The following PRDM5 variants were observed in gnomAD, a reference collection of about 807,000 sequenced individuals.
The protein encoded by PRDM5 is PR/SET domain 5.
PRDM5 carries 56 observed loss-of-function variants against 81.2 expected under a neutral mutation model. That is an observed-to-expected ratio of 0.69 (90% CI 0.56 to 0.86). PRDM5 has a LOEUF of 0.86. Among genes scored for constraint, PRDM5 ranks in the 40% least tolerant of loss-of-function variants. PRDM5 has a pLI of 0.00. For missense variants in PRDM5, 697 were observed against 770.1 expected (o/e 0.91, Z 1.12); for synonymous variants, 267 against 256.4 (o/e 1.04, Z -0.39).
intron 1 of PRDM5, among the ~76,000 whole-genome samples, chr4:120,913,738 A>T (rs1766771773): frequency 6.6e-6 from 1 of 152,202 alleles, no homozygotes; most frequent in Non-Finnish European, 1.5e-5. Flanking sequence ...TCTCTCCAGT[A>T]GACTTAGTAA....
chr4:120,785,180 A>C, intron 10 of PRDM5, 89 bp from the exon 11 acceptor site: 1 of 985,154 alleles, frequency 1.0e-6, no homozygotes. Context: ...GATGCGAAAG[A>C]GGAAAGAAGG....
chr4:120,830,870 A>G (rs188710387), intron 3 of PRDM5, among the ~76,000 whole-genome samples: 2 of 152,210 alleles, frequency 1.3e-5, no homozygotes, highest in East Asian at 3.9e-4. Flanking sequence ...AGCAAAGAAT[A>G]TCAATCACAA....
intron 13 of PRDM5, among the ~76,000 whole-genome samples, chr4:120,772,509 C>T (rs528677807): frequency 1.5e-4 from 23 of 152,332 alleles, no homozygotes; most frequent in South Asian, 1.2e-3. Flanking sequence ...TGGACATTAA[C>T]GTTGCAGCGG....
intron 14 of PRDM5, among the ~76,000 whole-genome samples, chr4:120,723,591 T>C (rs2149064345): frequency 6.6e-6 from 1 of 151,942 alleles, no homozygotes; most frequent in South Asian, 2.1e-4. Context: ...ATGCAAATTG[T>C]AAAGAAAATA....
intron 8 of PRDM5, among the ~76,000 whole-genome samples, chr4:120,803,644 C>A (rs1752458485): frequency 6.6e-6 from 1 of 152,092 alleles, no homozygotes; most frequent in African/African-American, 2.4e-5. Flanking sequence ...ACTTTACAGA[C>A]AAGAAAATGC....
At chr4:120,894,999 G>A (rs1764460708) in intron 2 of PRDM5, among the ~76,000 whole-genome samples, 1 of 152,130 alleles carries the variant, frequency 6.6e-6, no homozygotes, top group African/African-American at 2.4e-5. Context: ...ATCCTTTCCT[G>A]ACTTAATTCC....
chr4:120,708,773 GA>G (rs1322380788), intron 15 of PRDM5, among the ~76,000 whole-genome samples: 4 of 152,056 alleles, frequency 2.6e-5, no homozygotes, highest in Non-Finnish European at 4.4e-5. Context: ...AAACTAAGAG[GA>G]ATTAATGAAT....
At position 120,853,445 on chromosome 4, in the gene PRDM5, C is replaced by T; in HGVS notation, c.273G>A (p.Gln91=). ...GAATGGCAGCCAAGTTCTTCTGCTCCTGAGATGGTGCCTCATGAACGAAGC... is the reference window on the plus strand; with the variant it reads ...GAATGGCAGCCAAGTTCTTCTGCTCTTGAGATGGTGCCTCATGAACGAAGC... ...WLRFVHEAPS[Q]EQKNLAAIQE... The change falls in exon 3 of 16, where the codon CAG becomes CAA. Residue 91 remains glutamine, a synonymous_variant. Coordinates refer to ENST00000264808, the MANE Select transcript of PRDM5 (RefSeq NM_018699.4). The T allele has an allele frequency of 6.2e-7, 1 of 1,613,750 alleles. No individual in the cohort carries two copies. Among genetic ancestry groups the T allele is most frequent in the Non-Finnish European group, 8.5e-7 (1 of 1,179,738 alleles).
intron 13 of PRDM5, among the ~76,000 whole-genome samples, chr4:120,773,227 C>T (rs1443050019): frequency 2.0e-5 from 3 of 151,612 alleles, no homozygotes; most frequent in African/African-American, 7.3e-5. Context: ...GGTTATTAAA[C>T]ATTTTGTGAA....
chr4:120,804,680 C>T (rs555081608), intron 8 of PRDM5, among the ~76,000 whole-genome samples: 1 of 152,178 alleles, frequency 6.6e-6, no homozygotes, highest in Non-Finnish European at 1.5e-5. Context: ...ATACCAGAAT[C>T]TCTGGGACAC....
At chr4:120,811,025 T>C (rs968410663) in intron 8 of PRDM5, among the ~76,000 whole-genome samples, 1 of 152,074 alleles carries the variant, frequency 6.6e-6, no homozygotes, top group African/African-American at 2.4e-5. Context: ...ACGAATACCA[T>C]CTCCTTCTCT....
intron 14 of PRDM5, among the ~76,000 whole-genome samples, chr4:120,720,080 T>C (rs1560967375): frequency 6.6e-6 from 1 of 152,266 alleles, no homozygotes; most frequent in East Asian, 1.9e-4. Context: ...AACCTGGCCC[T>C]TCTCTCCCCA....
At chr4:120,854,819 G>C (rs539454758) in intron 2 of PRDM5, among the ~76,000 whole-genome samples, 164 of 152,148 alleles carry the variant, frequency 1.1e-3, no homozygotes, top group East Asian at 5.8e-4. Context: ...GAGTTCTAAA[G>C]GGAGGGAACA....
At chr4:120,750,721 C>CGT (rs1196153549) in intron 14 of PRDM5, among the ~76,000 whole-genome samples, 38 of 150,688 alleles carry the variant, frequency 2.5e-4, no homozygotes, top group African/African-American at 6.8e-4. Context: ...CACACACACG[C>CGT]GCACACAAAA....
intron 8 of PRDM5, 142 bp from the exon 9 acceptor site, chr4:120,799,887 A>G (rs1751875925): frequency 1.4e-6 from 2 of 1,420,180 alleles, no homozygotes; most frequent in Non-Finnish European, 1.9e-6. Flanking sequence ...ATTTGTTCAC[A>G]CTAACCTATA....
intron 3 of PRDM5, among the ~76,000 whole-genome samples, chr4:120,826,953 T>C (rs1457662600): frequency 6.6e-6 from 1 of 152,170 alleles, no homozygotes; most frequent in Non-Finnish European, 1.5e-5. Flanking sequence ...CTGTGAATTT[T>C]TGCTTTAAAT....
chr4:120,834,820 A>G (rs181942093), intron 3 of PRDM5, among the ~76,000 whole-genome samples: 2 of 152,260 alleles, frequency 1.3e-5, no homozygotes, highest in African/African-American at 4.8e-5. Context: ...CAAGCAAGGA[A>G]TTTGGCTTTT....
rs1288768880 is a variant in PRDM5 at position 120,811,379 on chromosome 4, T to C, written c.936A>G (p.Glu312=). 1 of 1,592,834 alleles carries C rather than the reference T, an allele frequency of 6.3e-7. No individual in the cohort carries two copies. ...TTTTTATCTTACTGACCTTTCTATG[T>C]TCCTGTAGGCTTGATGCTGAAGAAC... is the stretch of plus-strand genomic sequence containing the variant. ...KKCSSASSLQ[E]HRKIHEIFDC... Residue 312 remains glutamate (E), a synonymous_variant, in exon 8 of 16, where the codon GAA becomes GAG. Coordinates refer to ENST00000264808, the MANE Select transcript of PRDM5 (RefSeq NM_018699.4).
In PRDM5 at chr4:120,769,622, CTTCTT is replaced by C. The variant is rs1424470446; in HGVS notation, c.1537+7561_1537+7565del. On this transcript the variant is annotated intron_variant, in intron 13 of 15. Coordinates refer to ENST00000264808, the MANE Select transcript of PRDM5 (RefSeq NM_018699.4). The stretch of plus-strand genomic sequence containing the variant: ...GAGCCTTTTTATCAATTGTTTAAAC[CTTCTT>C]TTCTAAGGCTTACAAATACTTTCCA... 3.3e-5 allele frequency among the ~76,000 whole-genome samples: 5 copies of C among 152,172 alleles called. No homozygotes were observed. In the East Asian group the frequency reaches 9.7e-4, roughly 29 times the overall value.
Sources: allele counts gnomAD v4.1 joint callset (sites outside exome capture counted in the v4.1 genomes callset), GRCh38; gene constraint gnomAD v4.1.1; transcripts MANE v1.5; gene names NCBI Gene and HGNC (gene_info 2026-07-23, HGNC 2026-07-21).